Variants in RAB22A observed in about 807,000 individuals in gnomAD.
RAB22A encodes the protein RAB22A, member RAS oncogene family, also known as ras-related protein Rab-22A.
In RAB22A, 13 loss-of-function variants were observed where a neutral mutation model predicts 30.2. That is an observed-to-expected ratio of 0.43 (90% CI 0.28 to 0.68). The LOEUF is 0.68. Ranked by LOEUF, RAB22A falls within the 30% of genes least tolerant of loss-of-function variation. The pLI is 0.18. For missense variants in RAB22A, 177 were observed against 246.8 expected (o/e 0.72, Z 1.89); for synonymous variants, 89 against 87.2 (o/e 1.02, Z -0.11).
chr20:58,354,341 C>G, intron 6 of RAB22A, 76 bp downstream of exon 6: 1 of 1,031,378 alleles, frequency 9.7e-7, no homozygotes, highest in Non-Finnish European at 1.4e-6. Flanking sequence ...GTTAGAATTC[C>G]TGTCTTACTT....
chr20:58,345,835 C>T (rs1986936174), intron 3 of RAB22A: 1 of 152,508 alleles, frequency 6.6e-6, no homozygotes, highest in Admixed American at 6.5e-5. Context: ...CTCCTCCCAC[C>T]AGTCTGTCCT....
In RAB22A at chr20:58,314,702, G is replaced by A. The variant is rs147599373; in HGVS notation, c.116+3580G>A. ...CTAAAAATACAAAAATTAGCCAGAT[G>A]TGATGGCACACACCTGTAATCGCAG... On this transcript the variant is annotated intron_variant, in intron 2 of 6. Transcript: ENST00000244040. Among the ~76,000 whole-genome samples, 341 of 152,136 alleles carry A rather than the reference G, an allele frequency of 2.2e-3. 1 individual carries two copies. The highest frequency in any genetic ancestry group is 7.7e-3 in the African/African-American group (320 of 41,528).
intron 2 of RAB22A, among the ~76,000 whole-genome samples, chr20:58,321,313 G>A (rs904305958): frequency 3.9e-5 from 6 of 152,192 alleles, no homozygotes; most frequent in Middle Eastern, 3.4e-3. Context: ...GTAGTGAGCC[G>A]AGATGGCACC....
At chr20:58,343,825 T>C in intron 3 of RAB22A, 26 bp downstream of exon 3, 1 of 1,543,878 alleles carries the variant, frequency 6.5e-7, no homozygotes, top group Non-Finnish European at 9.0e-7. Context: ...ATTTACTCTG[T>C]TTTTCTGAGG....
At position 58,362,182 on chromosome 20, in the gene RAB22A, A is replaced by C. The variant is rs1473245762; in HGVS notation, c.*2479A>C. ...TATCCTTCTAATGCTTAGCAACAACAACAAAAAATTGCTCTCTCAGATCCA... is the reference window on the plus strand; with the variant it reads ...TATCCTTCTAATGCTTAGCAACAACCACAAAAAATTGCTCTCTCAGATCCA... On this transcript the variant is annotated 3_prime_UTR_variant, in exon 7 of 7. Transcript: ENST00000244040. The C allele has an allele frequency of 6.6e-6, 1 of 152,208 alleles. No individual in the cohort carries two copies. The highest frequency in any genetic ancestry group is 1.5e-5 in the Non-Finnish European group (1 of 68,034). 9.4% of individuals were successfully genotyped at this position (152,208 alleles called of 1,614,324 possible).
At chr20:58,328,293 C>T (rs1986602892) in intron 2 of RAB22A, among the ~76,000 whole-genome samples, 1 of 151,960 alleles carries the variant, frequency 6.6e-6, no homozygotes, top group South Asian at 2.1e-4. Context: ...GCGATCCTCC[C>T]ACCTCAGCCT....
At chr20:58,319,418 A>C (rs547456923) in intron 2 of RAB22A, among the ~76,000 whole-genome samples, 1 of 152,318 alleles carries the variant, frequency 6.6e-6, no homozygotes, top group African/African-American at 2.4e-5. Context: ...TGGTCTATTC[A>C]TCTGTCCTCA....
intron 2 of RAB22A, among the ~76,000 whole-genome samples, chr20:58,336,218 G>T (rs139954165): frequency 4.6e-5 from 7 of 152,218 alleles, no homozygotes; most frequent in African/African-American, 9.6e-5. Context: ...CACCATGTTG[G>T]CCAGGCTGGT....
At chr20:58,326,280 A>G (rs999344465) in intron 2 of RAB22A, among the ~76,000 whole-genome samples, 12 of 152,162 alleles carry the variant, frequency 7.9e-5, no homozygotes. Flanking sequence ...GCATCACCTC[A>G]GAAAGTTCCC....
intron 2 of RAB22A, among the ~76,000 whole-genome samples, chr20:58,331,862 G>C (rs1171461512): frequency 1.3e-5 from 2 of 152,110 alleles, no homozygotes; most frequent in African/African-American, 4.8e-5. Context: ...AGTGACTCCA[G>C]GTGACGGGTA....
In RAB22A at chr20:58,353,401, C is replaced by A. The variant is rs1038160834; in HGVS notation, c.271-31C>A. 4.4e-6 allele frequency: 7 copies of A among 1,607,256 alleles called. No individual in the cohort carries two copies. In the Admixed American group the frequency reaches 1.2e-4, roughly 27 times the overall value. ...TGAAAACTCTTTTGGTTGCTTAGAT[C>A]TCCAGTTGCTCTCTTTTTTGTGTGT... On this transcript the variant is annotated intron_variant, in intron 4 of 6. Transcript: ENST00000244040.
At chr20:58,331,461 A>T (rs972146495) in intron 2 of RAB22A, among the ~76,000 whole-genome samples, 1 of 152,252 alleles carries the variant, frequency 6.6e-6, no homozygotes. Flanking sequence ...TCAGTAAAAA[A>T]TTATTATTGA....
At chr20:58,314,624 T>C in intron 2 of RAB22A, among the ~76,000 whole-genome samples, 1 of 152,120 alleles carries the variant, frequency 6.6e-6, no homozygotes, top group East Asian at 1.9e-4. Flanking sequence ...GTGGATCACC[T>C]GAGGTCAGGA....
At chr20:58,331,885 C>T (rs1295522167) in intron 2 of RAB22A, among the ~76,000 whole-genome samples, 2 of 152,194 alleles carry the variant, frequency 1.3e-5, no homozygotes, top group Non-Finnish European at 2.9e-5. Flanking sequence ...TAAACAGAGA[C>T]ACCTGGGACT....
At chr20:58,345,498 G>A (rs12625833) in intron 3 of RAB22A, 8,188 of 152,408 alleles carry the variant, frequency 0.054, 264 homozygotes, top group Middle Eastern at 0.091. Context: ...ACAGCCCAGA[G>A]CTGCACAGGA....
At chr20:58,343,335 GT>G (rs911000239) in intron 2 of RAB22A, among the ~76,000 whole-genome samples, 7 of 149,404 alleles carry the variant, frequency 4.7e-5, no homozygotes, top group East Asian at 3.9e-4. Context: ...ATCCTAAAAA[GT>G]TTTTTTTTTA....
chr20:58,315,090 C>T (rs546130022), intron 2 of RAB22A, among the ~76,000 whole-genome samples: 2 of 152,128 alleles, frequency 1.3e-5, no homozygotes, highest in East Asian at 1.9e-4. Context: ...CCCTGGAGTC[C>T]GGAGGAGGAG....
intron 2 of RAB22A, among the ~76,000 whole-genome samples, chr20:58,316,143 A>G (rs550876738): frequency 3.3e-5 from 5 of 152,240 alleles, no homozygotes; most frequent in African/African-American, 1.2e-4. Flanking sequence ...TAGTGGCTCT[A>G]AAAGTTGCAG....
intron 2 of RAB22A, among the ~76,000 whole-genome samples, chr20:58,329,565 C>T (rs1277974843): frequency 1.3e-5 from 2 of 152,128 alleles, no homozygotes; most frequent in African/African-American, 4.8e-5. Flanking sequence ...CAGTAATTTA[C>T]TTTAATATGC....
Sources: allele counts gnomAD v4.1 joint callset (sites outside exome capture counted in the v4.1 genomes callset), GRCh38; gene constraint gnomAD v4.1.1; transcripts MANE v1.5; gene names NCBI Gene and HGNC (gene_info 2026-07-23, HGNC 2026-07-21).